PARD3B: variants seen among roughly 807,000 people sequenced by gnomAD.
PARD3B encodes par-3 family cell polarity regulator beta.
PARD3B carries 103 observed loss-of-function variants against 130.2 expected under a neutral mutation model. The observed-to-expected ratio is 0.79, with a 90% CI of 0.67 to 0.93. PARD3B has a LOEUF of 0.93. PARD3B is among the 40% of genes least tolerant of loss of function. PARD3B has a pLI of 0.00. For synonymous variants in PARD3B, 583 were observed against 553.2 expected (o/e 1.05, Z -0.76); for missense variants, 1,609 against 1,499.2 (o/e 1.07, Z -1.21).
Position 204,717,851 on chromosome 2 carries a change from C to T in PARD3B, c.222+31569C>T, listed in dbSNP as rs74413631. 0.012 allele frequency among the ~76,000 whole-genome samples: 1,881 copies of T among 152,196 alleles called. 74 individuals are homozygous for T. The East Asian group carries it at 0.14, about 11-fold the overall frequency. On this transcript the variant is annotated intron_variant, in intron 2 of 22. Coordinates refer to ENST00000406610, the MANE Select transcript of PARD3B (RefSeq NM_001302769.2). The stretch of plus-strand genomic sequence containing the variant: ...GTGGCTGCTTGTCAGTCACTGACAA[C>T]CAGGGAAGGGATAGCTTCAGCTCAA...
At chr2:205,346,176 T>A (rs201931165) in intron 18 of PARD3B, among the ~76,000 whole-genome samples, 1 of 14,204 alleles carries the variant, frequency 7.0e-5, no homozygotes, top group South Asian at 3.0e-3. Flanking sequence ...CGTCTCAAAA[T>A]AAATAAATAA....
intron 2 of PARD3B, among the ~76,000 whole-genome samples, chr2:204,936,780 G>A (rs905912614): frequency 8.5e-5 from 13 of 152,126 alleles, no homozygotes; most frequent in African/African-American, 2.9e-4. Flanking sequence ...GACAAGATGA[G>A]GTCTTATCAG....
In PARD3B at chr2:205,380,951, A is replaced by AAATAATATATATAAT. The variant is rs1470809386; in HGVS notation, c.2631-20061_2631-20060insATAATATATATAATA. Among the ~76,000 whole-genome samples, 20 of 64,332 alleles carry AAATAATATATATAAT rather than the reference A, an allele frequency of 3.1e-4. 2 individuals are homozygous for AAATAATATATATAAT. The highest frequency in any genetic ancestry group is 2.4e-3 in the African/African-American group (20 of 8,504). 42.2% of individuals were successfully genotyped at this position (64,332 alleles called of 152,430 possible). A position where few individuals can be genotyped will look rare whatever the true frequency, so the allele number is the denominator to read the frequency against. ...TATATAAAGAATATATATAATATATAATGTATATAATATCTAAAGAATATA... is the reference window on the plus strand; with the variant it reads ...TATATAAAGAATATATATAATATATAAATAATATATATAATATGTATATAATATCTAAAGAATATA... On this transcript the variant is annotated intron_variant, in intron 18 of 22. Coordinates refer to ENST00000406610, the MANE Select transcript of PARD3B (RefSeq NM_001302769.2).
At chr2:205,443,353 T>C (rs1465409399) in intron 20 of PARD3B, among the ~76,000 whole-genome samples, 1 of 152,172 alleles carries the variant, frequency 6.6e-6, no homozygotes, top group Admixed American at 6.5e-5. Context: ...TTAGTAAGTA[T>C]GTATTTGACA....
At chr2:204,709,655 G>C (rs139756356) in intron 2 of PARD3B, among the ~76,000 whole-genome samples, 2 of 152,128 alleles carry the variant, frequency 1.3e-5, no homozygotes, top group African/African-American at 4.8e-5. Context: ...GATGTGTTCA[G>C]TTGGGGAAAT....
chr2:205,345,495 T>C (rs1175064732), intron 18 of PARD3B, among the ~76,000 whole-genome samples: 1 of 152,086 alleles, frequency 6.6e-6, no homozygotes, highest in Non-Finnish European at 1.5e-5. Flanking sequence ...CAGAGAGACC[T>C]TCCTGCTTCT....
chr2:204,701,380 T>C (rs975629859), intron 2 of PARD3B, among the ~76,000 whole-genome samples: 6 of 152,184 alleles, frequency 3.9e-5, no homozygotes, highest in African/African-American at 1.4e-4. Context: ...TAAATGTCTA[T>C]ACTCATGGGA....
chr2:205,471,766 G>A (rs1237817155), intron 20 of PARD3B, among the ~76,000 whole-genome samples: 1 of 152,196 alleles, frequency 6.6e-6, no homozygotes, highest in Non-Finnish European at 1.5e-5. Flanking sequence ...GTAACCTATT[G>A]TCTGTTTACA....
chr2:204,545,992 G>A lies in PARD3B; in HGVS notation c.-8G>A, dbSNP rs1383154785. The A allele has an allele frequency of 1.9e-6, 3 of 1,557,542 alleles. No homozygotes were observed. Among genetic ancestry groups the A allele is most frequent in the Non-Finnish European group, 2.6e-6 (3 of 1,150,966 alleles). ...CGGCCCGGCCCGGCGTGGTCGCCGG[G>A]GGCCAGGATGAAAGTGACCGTGTGC... On this transcript the variant is annotated 5_prime_UTR_variant, in exon 1 of 23. Coordinates refer to ENST00000406610, the MANE Select transcript of PARD3B (RefSeq NM_001302769.2).
intron 21 of PARD3B, among the ~76,000 whole-genome samples, chr2:205,539,471 G>T (rs1348953253): frequency 3.9e-5 from 6 of 152,162 alleles, no homozygotes; most frequent in Non-Finnish European, 7.3e-5. Flanking sequence ...GAGCAGGTAT[G>T]TGCACAGCCC....
At position 204,859,240 on chromosome 2, in the gene PARD3B, G is replaced by A. The variant is rs369380204; in HGVS notation, c.223-105912G>A. Among the ~76,000 whole-genome samples, 20 of 152,080 alleles carry A rather than the reference G, an allele frequency of 1.3e-4. No homozygotes were observed. The East Asian group carries it at 3.5e-3, about 26-fold the overall frequency. On this transcript the variant is annotated intron_variant, in intron 2 of 22. Transcript: ENST00000406610. ...TATTTAGTGGTATTCGGAAGTATTCGACTTTAACAAGTATGTGCTGTTCTG... is the reference window on the plus strand; with the variant it reads ...TATTTAGTGGTATTCGGAAGTATTCAACTTTAACAAGTATGTGCTGTTCTG...
At chr2:204,734,542 A>T (rs919752115) in intron 2 of PARD3B, among the ~76,000 whole-genome samples, 1 of 152,176 alleles carries the variant, frequency 6.6e-6, no homozygotes, top group African/African-American at 2.4e-5. Flanking sequence ...AAATTGTGCT[A>T]TATCTATACA....
intron 1 of PARD3B, among the ~76,000 whole-genome samples, chr2:204,640,020 G>A (rs1392268684): frequency 6.6e-6 from 1 of 152,058 alleles, no homozygotes; most frequent in Non-Finnish European, 1.5e-5. Flanking sequence ...TTGGGAGGCC[G>A]AGGTGGGTAG....
At chr2:204,772,315 A>G (rs2041419967) in intron 2 of PARD3B, among the ~76,000 whole-genome samples, 1 of 152,062 alleles carries the variant, frequency 6.6e-6, no homozygotes, top group Non-Finnish European at 1.5e-5. Flanking sequence ...CTGGAGATCA[A>G]GCATTGTAAC....
chr2:204,583,592 A>G (rs1400325894), intron 1 of PARD3B, among the ~76,000 whole-genome samples: 3 of 136,426 alleles, frequency 2.2e-5, no homozygotes, highest in Non-Finnish European at 4.7e-5. Flanking sequence ...AACCTGCACA[A>G]TGTGCACATG....
At chr2:205,272,397 G>A (rs1475559815) in intron 16 of PARD3B, among the ~76,000 whole-genome samples, 1 of 152,048 alleles carries the variant, frequency 6.6e-6, no homozygotes, top group African/African-American at 2.4e-5. Context: ...CCATAAATAA[G>A]AAGCACTAAT....
chr2:205,202,902 A>C (rs556110721), intron 15 of PARD3B, among the ~76,000 whole-genome samples: 6 of 152,152 alleles, frequency 3.9e-5, no homozygotes, highest in Non-Finnish European at 8.8e-5. Flanking sequence ...ATTCTCCTAA[A>C]GTTAAGTATT....
intron 1 of PARD3B, among the ~76,000 whole-genome samples, chr2:204,597,910 ACTGTAC>A (rs2033362617): frequency 6.6e-6 from 1 of 152,186 alleles, no homozygotes; most frequent in Non-Finnish European, 1.5e-5. Flanking sequence ...CAAAGAAATC[ACTGTAC>A]CTTTGTTTAG....
At chr2:204,802,919 C>A (rs1217227245) in intron 2 of PARD3B, among the ~76,000 whole-genome samples, 1 of 151,800 alleles carries the variant, frequency 6.6e-6, no homozygotes, top group African/African-American at 2.4e-5. Context: ...AGCAAACCAC[C>A]ATGGCACGTT....
Sources: allele counts gnomAD v4.1 joint callset (sites outside exome capture counted in the v4.1 genomes callset), GRCh38; gene constraint gnomAD v4.1.1; transcripts MANE v1.5; gene names NCBI Gene and HGNC (gene_info 2026-07-23, HGNC 2026-07-21).